Variants in BMAL1 observed in about 807,000 individuals in gnomAD.
BMAL1 encodes basic helix-loop-helix ARNT-like protein 1.
chr11:13,295,473 G>C, the BMAL1 span, among the ~76,000 whole-genome samples: 1 of 152,178 alleles, frequency 6.6e-6, no homozygotes, highest in Non-Finnish European at 1.5e-5. Flanking sequence ...CTATGTCCCT[G>C]ATTGCAAGGT....
the BMAL1 span, among the ~76,000 whole-genome samples, chr11:13,363,879 G>A: frequency 2.0e-5 from 3 of 152,170 alleles, no homozygotes; most frequent in Non-Finnish European, 4.4e-5. Context: ...CTCCTTCACA[G>A]ATGGTCTGCT....
chr11:13,309,028 A>C, the BMAL1 span, among the ~76,000 whole-genome samples: 1 of 152,156 alleles, frequency 6.6e-6, no homozygotes, highest in Non-Finnish European at 1.5e-5. Flanking sequence ...ATATGAATGT[A>C]CTTAATACCA....
the BMAL1 span, among the ~76,000 whole-genome samples, chr11:13,362,433 G>A: frequency 7.9e-5 from 12 of 152,270 alleles, no homozygotes; most frequent in South Asian, 2.3e-3. Context: ...TGTCATTAGT[G>A]ACCCTTGGAA....
chr11:13,375,926 TA>T, the BMAL1 span, among the ~76,000 whole-genome samples: 5 of 152,300 alleles, frequency 3.3e-5, no homozygotes, highest in Middle Eastern at 3.4e-3. Flanking sequence ...AAAGGATTGT[TA>T]ACAAAGGGAC....
the BMAL1 span, among the ~76,000 whole-genome samples, chr11:13,285,838 T>A: frequency 6.6e-6 from 1 of 152,224 alleles, no homozygotes; most frequent in East Asian, 1.9e-4. Context: ...CATACCCTGC[T>A]TAGAAGGCTT....
chr11:13,381,769 C>T, the BMAL1 span, among the ~76,000 whole-genome samples: 1 of 152,204 alleles, frequency 6.6e-6, no homozygotes, highest in Non-Finnish European at 1.5e-5. Context: ...GATCAATCAC[C>T]AGCCCTCATG....
At chr11:13,385,820 G>T in the BMAL1 span, 1 of 1,533,916 alleles carries the variant, frequency 6.5e-7, no homozygotes, top group South Asian at 1.1e-5. Flanking sequence ...CGTTTCCATT[G>T]CAATGAGCTT....
chr11:13,383,028 C>G, the BMAL1 span, among the ~76,000 whole-genome samples: 1 of 152,122 alleles, frequency 6.6e-6, no homozygotes, highest in Non-Finnish European at 1.5e-5. Context: ...CGAGATGAGT[C>G]CTGGGCAGCA....
chr11:13,356,857 G>A, the BMAL1 span: 4 of 1,608,974 alleles, frequency 2.5e-6, no homozygotes, highest in Non-Finnish European at 1.7e-6. Context: ...GTTACTTGGG[G>A]CAGCACCCAT....
At chr11:13,369,659 C>G in the BMAL1 span, 1 of 1,614,032 alleles carries the variant, frequency 6.2e-7, no homozygotes, top group East Asian at 2.2e-5. Flanking sequence ...TGGGCCATCT[C>G]GATTATGTTC....
the BMAL1 span, among the ~76,000 whole-genome samples, chr11:13,347,915 C>T: frequency 6.6e-6 from 1 of 152,160 alleles, no homozygotes; most frequent in Non-Finnish European, 1.5e-5. Context: ...TGAAATTGTT[C>T]ATTTATTTAG....
At chr11:13,376,645 A>T in the BMAL1 span, 1 of 1,613,958 alleles carries the variant, frequency 6.2e-7, no homozygotes, top group Admixed American at 1.7e-5. Context: ...CACAGAGCCA[A>T]CGTCCTGGAA....
the BMAL1 span, among the ~76,000 whole-genome samples, chr11:13,359,904 G>C: frequency 6.6e-6 from 1 of 152,116 alleles, no homozygotes; most frequent in African/African-American, 2.4e-5. Flanking sequence ...TATTTACTCA[G>C]GGCCTGGAAG....
the BMAL1 span, chr11:13,379,844 G>A: frequency 6.6e-6 from 1 of 152,194 alleles, no homozygotes; most frequent in Non-Finnish European, 1.5e-5. Flanking sequence ...TATGATAGGC[G>A]ATTAAGAAAC....
the BMAL1 span, among the ~76,000 whole-genome samples, chr11:13,301,509 G>A: frequency 6.6e-6 from 1 of 152,214 alleles, no homozygotes; most frequent in Admixed American, 6.5e-5. Context: ...GAAGGGAGGA[G>A]TTCTACCTCA....
the BMAL1 span, among the ~76,000 whole-genome samples, chr11:13,328,184 G>T: frequency 6.6e-6 from 1 of 152,024 alleles, no homozygotes; most frequent in Non-Finnish European, 1.5e-5. Flanking sequence ...CTTTTTTTTG[G>T]CCCAAAACAT....
At chr11:13,354,647 G>A in the BMAL1 span, 2 of 634,480 alleles carry the variant, frequency 3.2e-6, no homozygotes, top group South Asian at 4.3e-5. Context: ...GCAGTGCTGA[G>A]GCATTTAACT....
the BMAL1 span, chr11:13,375,888 G>GAGGCTTCACAGGTA: frequency 1.1e-6 from 1 of 925,642 alleles, no homozygotes; most frequent in Non-Finnish European, 1.5e-6. Context: ...GCTAATACCT[G>GAGGCTTCACAGGTA]TGAAGCCTCA....
At chr11:13,376,332 G>A in the BMAL1 span, among the ~76,000 whole-genome samples, 3 of 152,170 alleles carry the variant, frequency 2.0e-5, no homozygotes, top group African/African-American at 7.2e-5. Flanking sequence ...GTGAGGGGCC[G>A]GGGCTAGGTG....
Sources: gnomAD v4.1 joint callset for allele counts (sites outside exome capture counted in the v4.1 genomes callset) on GRCh38, gnomAD v4.1.1 for gene constraint, MANE v1.5 for transcripts, NCBI Gene and HGNC (gene_info 2026-07-23, HGNC 2026-07-21) for gene names.